Variants in LDB2 observed in about 807,000 individuals in gnomAD.
The protein encoded by LDB2 is LIM domain binding 2.
LDB2 carries 12 observed loss-of-function variants against 44.3 expected under a neutral mutation model. That is an observed-to-expected ratio of 0.27 (90% CI 0.17 to 0.44). LDB2 has a LOEUF of 0.44. LDB2 is among the 20% of genes least tolerant of loss of function. The pLI, the probability that LDB2 is intolerant of heterozygous loss-of-function variation, is 1.00. For missense variants in LDB2, 344 were observed against 473.5 expected (o/e 0.73, Z 2.54); for synonymous variants, 164 against 174.8 (o/e 0.94, Z 0.49).
intron 2 of LDB2, among the ~76,000 whole-genome samples, chr4:16,628,563 T>C (rs1730959635): frequency 6.6e-6 from 1 of 151,678 alleles, no homozygotes; most frequent in African/African-American, 2.4e-5. Context: ...CTCTGGTGAG[T>C]TAAATCTTTT....
chr4:16,875,237 A>G (rs886778182), intron 1 of LDB2, among the ~76,000 whole-genome samples: 1 of 152,226 alleles, frequency 6.6e-6, no homozygotes, highest in African/African-American at 2.4e-5. Flanking sequence ...AGGGGTTATC[A>G]TCAGGGTAGG....
At chr4:16,819,051 A>C (rs58035756) in intron 1 of LDB2, among the ~76,000 whole-genome samples, 40,997 of 151,858 alleles carry the variant, frequency 0.27, 6,032 homozygotes, top group South Asian at 0.44. Flanking sequence ...TGCAGAAAGA[A>C]TGAGTACTGC....
At chr4:16,780,825 A>T (rs1351167507) in intron 1 of LDB2, among the ~76,000 whole-genome samples, 1 of 152,150 alleles carries the variant, frequency 6.6e-6, no homozygotes, top group Non-Finnish European at 1.5e-5. Context: ...GAGTACATTA[A>T]CTAAATGGTA....
intron 1 of LDB2, among the ~76,000 whole-genome samples, chr4:16,850,947 A>AGAGTGTGTGTGT (rs1554048716): frequency 2.8e-5 from 4 of 143,072 alleles, no homozygotes; most frequent in Non-Finnish European, 4.5e-5. Context: ...TAAAACCATA[A>AGAGTGTGTGTGT]GTGTGTGTGT....
intron 5 of LDB2, among the ~76,000 whole-genome samples, chr4:16,563,423 C>T (rs1168225652): frequency 8.4e-6 from 1 of 119,140 alleles, no homozygotes; most frequent in African/African-American, 3.3e-5. Context: ...TCTCATCAGT[C>T]ATCAGATTTT....
intron 2 of LDB2, among the ~76,000 whole-genome samples, chr4:16,682,416 C>T (rs1460040412): frequency 6.6e-6 from 1 of 152,190 alleles, no homozygotes; most frequent in African/African-American, 2.4e-5. Context: ...CAACTGAACG[C>T]TCTGCCTCCT....
chr4:16,764,533 A>G (rs1349464120), intron 1 of LDB2, among the ~76,000 whole-genome samples: 1 of 152,140 alleles, frequency 6.6e-6, no homozygotes, highest in African/African-American at 2.4e-5. Context: ...TACAAAAAAA[A>G]AAAAAAATCA....
intron 2 of LDB2, among the ~76,000 whole-genome samples, chr4:16,707,447 C>G (rs1754851014): frequency 6.6e-6 from 1 of 152,226 alleles, no homozygotes; most frequent in South Asian, 2.1e-4. Flanking sequence ...GGAATTTAAT[C>G]AGCTTTTTAA....
chr4:16,595,673 G>A (rs1171035372), intron 3 of LDB2, 30 bp downstream of exon 3: 4 of 1,598,542 alleles, frequency 2.5e-6, no homozygotes, highest in Non-Finnish European at 8.5e-7. Flanking sequence ...AGTAGGAAAA[G>A]CCGGGCATGT....
chr4:16,892,695 C>T (rs905003824), intron 1 of LDB2, among the ~76,000 whole-genome samples: 1 of 152,088 alleles, frequency 6.6e-6, no homozygotes, highest in African/African-American at 2.4e-5. Flanking sequence ...AGCGGGTGCT[C>T]TGTGTTCCTC....
chr4:16,535,602 G>T (rs1731550788), intron 5 of LDB2, among the ~76,000 whole-genome samples: 1 of 152,180 alleles, frequency 6.6e-6, no homozygotes, highest in African/African-American at 2.4e-5. Context: ...GACTAGGGTG[G>T]GAGGGCTGTG....
chr4:16,655,827 G>A (rs1739622731), intron 2 of LDB2, among the ~76,000 whole-genome samples: 1 of 148,548 alleles, frequency 6.7e-6, no homozygotes, highest in African/African-American at 2.5e-5. Context: ...GTTTGTGCAA[G>A]TCAGTTTTTC....
At chr4:16,511,644 G>C (rs1721793302) in intron 6 of LDB2, among the ~76,000 whole-genome samples, 1 of 152,010 alleles carries the variant, frequency 6.6e-6, no homozygotes, top group Non-Finnish European at 1.5e-5. Context: ...GAAGCCAGCA[G>C]TCTGGCTCAG....
chr4:16,766,186 C>T (rs1769163194), intron 1 of LDB2, among the ~76,000 whole-genome samples: 1 of 152,012 alleles, frequency 6.6e-6, no homozygotes, highest in Admixed American at 6.6e-5. Context: ...CCATAAATAA[C>T]TGTCTCATGA....
intron 5 of LDB2, among the ~76,000 whole-genome samples, chr4:16,560,166 C>T (rs1011243572): frequency 1.6e-4 from 25 of 152,184 alleles, no homozygotes; most frequent in African/African-American, 5.5e-4. Flanking sequence ...ACTAGAAAAG[C>T]AAGAGCAAAC....
intron 5 of LDB2, among the ~76,000 whole-genome samples, chr4:16,550,694 CT>C (rs1169299070): frequency 6.6e-6 from 1 of 152,200 alleles, no homozygotes; most frequent in African/African-American, 2.4e-5. Context: ...TGGCACAAGC[CT>C]TTTGGAAAAC....
At chr4:16,739,654 G>A (rs55865921) in intron 2 of LDB2, among the ~76,000 whole-genome samples, 610 of 47,232 alleles carry the variant, frequency 0.013, 70 homozygotes, top group East Asian at 0.067. Context: ...ACATATGTGT[G>A]TATATATGTA....
chr4:16,811,116 C>T (rs1002445001), intron 1 of LDB2, among the ~76,000 whole-genome samples: 2 of 152,120 alleles, frequency 1.3e-5, no homozygotes, highest in Non-Finnish European at 1.5e-5. Context: ...GTCTATGGCC[C>T]GGGGGTTAAG....
At chr4:16,854,233 T>C (rs1788872913) in intron 1 of LDB2, among the ~76,000 whole-genome samples, 1 of 152,104 alleles carries the variant, frequency 6.6e-6, no homozygotes, top group South Asian at 2.1e-4. Flanking sequence ...ATACTATCTA[T>C]ATGTATTCAA....
Sources: allele counts gnomAD v4.1 joint callset (sites outside exome capture counted in the v4.1 genomes callset), GRCh38; gene constraint gnomAD v4.1.1; transcripts MANE v1.5; gene names NCBI Gene and HGNC (gene_info 2026-07-23, HGNC 2026-07-21).